Variants in GRIK2 observed in about 807,000 individuals in gnomAD.
The protein encoded by GRIK2 is glutamate receptor ionotropic, kainate 2.
Under a neutral mutation model 100.3 loss-of-function variants are expected in GRIK2, and 32 were observed. The ratio of observed to expected loss-of-function variants is 0.32; its 90% CI spans 0.24 to 0.43. The LOEUF (loss-of-function observed/expected upper bound fraction) is 0.43. Ranked by LOEUF, GRIK2 falls within the 20% of genes least tolerant of loss-of-function variation. The pLI is 1.00. For missense variants in GRIK2, 843 were observed against 1,114.9 expected, an observed-to-expected ratio of 0.76 and a Z score of 3.47; for synonymous variants, 417 against 389.4, an observed-to-expected ratio of 1.07 and a Z score of -0.83.
chr6:101,699,079 A>G (rs184652335), intron 7 of GRIK2, among the ~76,000 whole-genome samples: 3 of 152,124 alleles, frequency 2.0e-5, no homozygotes, highest in Admixed American at 6.6e-5. Context: ...TGCTCAGCAC[A>G]TATGTACTCT....
At chr6:101,572,752 C>CT (rs200522647) in intron 2 of GRIK2, among the ~76,000 whole-genome samples, 1,582 of 79,256 alleles carry the variant, frequency 0.02, 43 homozygotes, top group African/African-American at 0.05. Flanking sequence ...GCCTCAGTTT[C>CT]TTTTTTTTTT....
At chr6:101,511,351 G>C (rs1358400784) in intron 2 of GRIK2, among the ~76,000 whole-genome samples, 2 of 152,070 alleles carry the variant, frequency 1.3e-5, no homozygotes, top group Non-Finnish European at 2.9e-5. Flanking sequence ...GGCTGTCAGT[G>C]AAGATCTTTA....
At chr6:101,580,278 T>G (rs1332026890) in intron 2 of GRIK2, among the ~76,000 whole-genome samples, 1 of 152,134 alleles carries the variant, frequency 6.6e-6, no homozygotes, top group Non-Finnish European at 1.5e-5. Context: ...TGTTGGTTGG[T>G]TTTTTTGGAA....
At chr6:101,602,074 G>C (rs577141) in intron 2 of GRIK2, among the ~76,000 whole-genome samples, 56,978 of 151,346 alleles carry the variant, frequency 0.38, 11,631 homozygotes, top group African/African-American at 0.54. Flanking sequence ...ATAAACTTTA[G>C]TCTTAACTCT....
At chr6:101,795,444 C>G (rs1780231644) in intron 7 of GRIK2, among the ~76,000 whole-genome samples, 1 of 152,126 alleles carries the variant, frequency 6.6e-6, no homozygotes. Context: ...GTGTGCCTGT[C>G]TTTAGGCTCC....
chr6:101,509,442 G>A (rs1477429209), intron 2 of GRIK2, among the ~76,000 whole-genome samples: 2 of 152,158 alleles, frequency 1.3e-5, no homozygotes, highest in African/African-American at 2.4e-5. Flanking sequence ...CCTGAAGGTC[G>A]AAAGTGTTTC....
intron 14 of GRIK2, among the ~76,000 whole-genome samples, chr6:102,000,968 T>A (rs1301727487): frequency 6.6e-6 from 1 of 152,086 alleles, no homozygotes; most frequent in African/African-American, 2.4e-5. Flanking sequence ...CTTTTTTTTC[T>A]GATATCCTGA....
chr6:101,575,825 G>T (rs1777762990), intron 2 of GRIK2, among the ~76,000 whole-genome samples: 1 of 151,898 alleles, frequency 6.6e-6, no homozygotes, highest in Non-Finnish European at 1.5e-5. Flanking sequence ...TGCATGTTCT[G>T]TCATCATTAT....
intron 2 of GRIK2, among the ~76,000 whole-genome samples, chr6:101,432,937 G>A (rs1562133976): frequency 6.6e-6 from 1 of 152,000 alleles, no homozygotes; most frequent in Non-Finnish European, 1.5e-5. Context: ...CCCCTTTCCA[G>A]ACTCTGTAAT....
chr6:101,641,222 TAA>T (rs899246596), intron 4 of GRIK2, among the ~76,000 whole-genome samples: 11 of 152,086 alleles, frequency 7.2e-5, no homozygotes, highest in African/African-American at 2.7e-4. Context: ...TTTTACTTTT[TAA>T]CTTTTAAAAA....
chr6:102,030,411 AT>A (rs202113440), intron 14 of GRIK2, among the ~76,000 whole-genome samples: 1,660 of 148,196 alleles, frequency 0.011, 20 homozygotes, highest in Non-Finnish European at 0.019. Context: ...TTTTTATTTT[AT>A]TTTTTTTTTC....
At chr6:102,004,603 G>T (rs550716643) in intron 14 of GRIK2, among the ~76,000 whole-genome samples, 2 of 151,852 alleles carry the variant, frequency 1.3e-5, no homozygotes, top group Non-Finnish European at 2.9e-5. Flanking sequence ...TGATCACAGA[G>T]GGTCAGAAGC....
chr6:102,000,675 T>C (rs1294020947), intron 14 of GRIK2, among the ~76,000 whole-genome samples: 1 of 152,154 alleles, frequency 6.6e-6, no homozygotes, highest in Non-Finnish European at 1.5e-5. Flanking sequence ...TTTAATGTTT[T>C]TTACAATGTT....
intron 11 of GRIK2, among the ~76,000 whole-genome samples, chr6:101,878,470 A>T (rs965483321): frequency 2.6e-5 from 4 of 151,858 alleles, no homozygotes; most frequent in African/African-American, 9.7e-5. Flanking sequence ...AGAAATTGCC[A>T]TTTGTATTCC....
At chr6:101,615,324 G>A (rs1049056604) in intron 2 of GRIK2, among the ~76,000 whole-genome samples, 6 of 151,706 alleles carry the variant, frequency 4.0e-5, no homozygotes, top group African/African-American at 1.5e-4. Context: ...TTTCTTAGAT[G>A]ATGTTTTGAA....
At chr6:101,403,064 G>T (rs1775412543) in intron 2 of GRIK2, among the ~76,000 whole-genome samples, 1 of 152,208 alleles carries the variant, frequency 6.6e-6, no homozygotes, top group African/African-American at 2.4e-5. Context: ...GCCAGCTCCG[G>T]CTGTGTGCCC....
At chr6:101,814,454 A>G (rs1781513803) in intron 9 of GRIK2, among the ~76,000 whole-genome samples, 1 of 152,068 alleles carries the variant, frequency 6.6e-6, no homozygotes, top group Admixed American at 6.6e-5. Context: ...AAAAACAGTT[A>G]TTTTTATCAA....
In GRIK2 at chr6:101,494,971, TTATATATA is replaced by T. The variant is rs369006296; in HGVS notation, c.115+95601_115+95608del. Reference sequence around the variant, plus strand: ...TAAAAAGTAATACCTATATATGCATTTATATATATATATATATATATATATATATGAAG... The same window carrying T: ...TAAAAAGTAATACCTATATATGCATTTATATATATATATATATATATGAAG... On this transcript the variant is annotated intron_variant, in intron 2 of 16. Transcript: ENST00000369134. 9.4e-3 allele frequency among the ~76,000 whole-genome samples: 1,014 copies of T among 107,958 alleles called. 21 individuals are homozygous for T. Among genetic ancestry groups the T allele is most frequent in the African/African-American group, 0.031 (873 of 28,404 alleles). The allele number at this position is 107,958 out of a possible 152,430, so 70.8% of individuals were successfully genotyped here.
intron 10 of GRIK2, among the ~76,000 whole-genome samples, chr6:101,852,966 T>C (rs1784222101): frequency 6.6e-6 from 1 of 152,192 alleles, no homozygotes. Context: ...AGTTTATATG[T>C]GATCAAATGT....
Sources: gnomAD v4.1 joint callset for allele counts (sites outside exome capture counted in the v4.1 genomes callset) on GRCh38, gnomAD v4.1.1 for gene constraint, MANE v1.5 for transcripts, NCBI Gene and HGNC (gene_info 2026-07-23, HGNC 2026-07-21) for gene names.